The following EDIL3 variants were observed in gnomAD, a reference collection of about 807,000 sequenced individuals.
The protein encoded by EDIL3 is EGF like and discoidin domains 3.
In EDIL3, 37 loss-of-function variants were observed where a neutral mutation model predicts 67.4. The observed-to-expected ratio is 0.55, with a 90% CI of 0.42 to 0.72. The LOEUF (loss-of-function observed/expected upper bound fraction) is 0.72, where lower values mean the gene tolerates loss of function less well. Among genes scored for constraint, EDIL3 ranks in the 30% least tolerant of loss-of-function variants. EDIL3 has a pLI of 0.00. For synonymous variants in EDIL3, 195 were observed against 196.3 expected (o/e 0.99, Z 0.05); for missense variants, 527 against 586.3 (o/e 0.90, Z 1.04).
intron 1 of EDIL3, among the ~76,000 whole-genome samples, chr5:84,312,602 CG>C (rs1746428598): frequency 7.4e-6 from 1 of 135,606 alleles, no homozygotes; most frequent in African/African-American, 2.7e-5. Context: ...GCTGGCCGGG[CG>C]GGGGGCTGAC....
intron 1 of EDIL3, among the ~76,000 whole-genome samples, chr5:84,354,439 T>C (rs1747430160): frequency 6.6e-6 from 1 of 152,084 alleles, no homozygotes; most frequent in African/African-American, 2.4e-5. Flanking sequence ...AGCAGATCTC[T>C]TGAGGTCAGG....
In EDIL3 at chr5:84,119,461, G is replaced by C. The variant is rs536986482; in HGVS notation, c.470-12631C>G. ...ATTGTCAGATAAAAATCTCTGCCTG[G>C]GGGAAATATAAACTATGGCTTCTTG... On this transcript the variant is annotated intron_variant, in intron 5 of 10. Transcript: ENST00000296591. Among the ~76,000 whole-genome samples the C allele has an allele frequency of 3.9e-5, 6 of 151,932 alleles. No homozygotes were observed. The East Asian group carries it at 7.7e-4, about 20-fold the overall frequency.
intron 9 of EDIL3, among the ~76,000 whole-genome samples, chr5:84,034,980 T>C (rs564141365): frequency 6.6e-6 from 1 of 152,304 alleles, no homozygotes; most frequent in Admixed American, 6.5e-5. Context: ...TGATGATTTA[T>C]CTTAAATAAA....
chr5:84,355,535 C>G (rs1053715484), intron 1 of EDIL3, among the ~76,000 whole-genome samples: 2 of 152,118 alleles, frequency 1.3e-5, no homozygotes, highest in African/African-American at 4.8e-5. Context: ...TTTTACCAAT[C>G]AGGCCCCTCT....
At chr5:84,040,944 C>A (rs900630806) in intron 9 of EDIL3, among the ~76,000 whole-genome samples, 3 of 152,124 alleles carry the variant, frequency 2.0e-5, no homozygotes, top group Admixed American at 1.3e-4. Flanking sequence ...CCAGCCTGGG[C>A]AACATGGCAA....
chr5:84,028,543 T>C (rs1745858535), intron 9 of EDIL3, among the ~76,000 whole-genome samples: 1 of 152,098 alleles, frequency 6.6e-6, no homozygotes, highest in Non-Finnish European at 1.5e-5. Context: ...AAGACTATTC[T>C]GAAAATTAAG....
chr5:84,021,389 C>T (rs900118595), intron 9 of EDIL3, among the ~76,000 whole-genome samples: 1 of 151,768 alleles, frequency 6.6e-6, no homozygotes, highest in Non-Finnish European at 1.5e-5. Context: ...TTGCTTTTGC[C>T]GTATCTCACA....
At chr5:84,044,233 G>A (rs1746181717) in intron 9 of EDIL3, among the ~76,000 whole-genome samples, 1 of 152,058 alleles carries the variant, frequency 6.6e-6, no homozygotes, top group Admixed American at 6.6e-5. Context: ...AGCACTCCAT[G>A]AAAAATAAGT....
chr5:84,083,603 T>A (rs1004542113), intron 6 of EDIL3, among the ~76,000 whole-genome samples: 1 of 151,928 alleles, frequency 6.6e-6, no homozygotes, highest in African/African-American at 2.4e-5. Context: ...TGGGCATTTT[T>A]TTTTTTAACT....
chr5:84,155,194 T>A (rs1006106127), intron 4 of EDIL3, among the ~76,000 whole-genome samples: 22 of 152,166 alleles, frequency 1.4e-4, no homozygotes, highest in African/African-American at 5.3e-4. Flanking sequence ...ATAACATTAT[T>A]TTGAGCCTTA....
At chr5:84,299,842 A>G (rs1746122116) in intron 1 of EDIL3, among the ~76,000 whole-genome samples, 1 of 152,184 alleles carries the variant, frequency 6.6e-6, no homozygotes, top group African/African-American at 2.4e-5. Context: ...ATAAGTACCA[A>G]TATTTTTGTT....
At chr5:84,169,668 C>T (rs1027381966) in intron 4 of EDIL3, among the ~76,000 whole-genome samples, 42 of 147,554 alleles carry the variant, frequency 2.8e-4, no homozygotes, top group African/African-American at 1.0e-3. Flanking sequence ...TTTTTTTTTT[C>T]ACTCAGCTTA....
chr5:84,266,191 A>T (rs1379377628), intron 1 of EDIL3, among the ~76,000 whole-genome samples: 2 of 152,124 alleles, frequency 1.3e-5, no homozygotes, highest in East Asian at 3.9e-4. Context: ...ACATTCAAAA[A>T]CCCATTGCCT....
chr5:84,045,489 T>C (rs1746205460), intron 9 of EDIL3, among the ~76,000 whole-genome samples: 1 of 152,174 alleles, frequency 6.6e-6, no homozygotes, highest in African/African-American at 2.4e-5. Context: ...TTGGCTTTAA[T>C]ACTAAGGTCA....
intron 1 of EDIL3, among the ~76,000 whole-genome samples, chr5:84,283,513 C>T (rs1745744628): frequency 6.6e-6 from 1 of 152,064 alleles, no homozygotes; most frequent in African/African-American, 2.4e-5. Flanking sequence ...TAAATGAAAC[C>T]AGTCTACAGC....
chr5:84,005,575 C>T (rs1338150352), intron 9 of EDIL3, among the ~76,000 whole-genome samples: 5 of 151,978 alleles, frequency 3.3e-5, no homozygotes, highest in Non-Finnish European at 7.4e-5. Flanking sequence ...AAGTGAAAAC[C>T]ACATGATCAC....
chr5:84,319,494 C>CAAAAAAAAAAA (rs55738450), intron 1 of EDIL3, among the ~76,000 whole-genome samples: 79 of 42,808 alleles, frequency 1.8e-3, no homozygotes, highest in East Asian at 3.9e-3. Flanking sequence ...CAAAAAACAA[C>CAAAAAAAAAAA]AAAAAAAAAA....
At chr5:84,153,220 A>G (rs1193018192) in intron 4 of EDIL3, among the ~76,000 whole-genome samples, 1 of 152,160 alleles carries the variant, frequency 6.6e-6, no homozygotes, top group Non-Finnish European at 1.5e-5. Context: ...CTTGTTCATC[A>G]GTTTTAGCCA....
intron 1 of EDIL3, among the ~76,000 whole-genome samples, chr5:84,284,298 T>C (rs1745765208): frequency 6.6e-6 from 1 of 152,188 alleles, no homozygotes; most frequent in African/African-American, 2.4e-5. Context: ...CATTGTGAAG[T>C]GACCTTTCCA....
Sources: allele counts gnomAD v4.1 joint callset (sites outside exome capture counted in the v4.1 genomes callset), GRCh38; gene constraint gnomAD v4.1.1; transcripts MANE v1.5; gene names NCBI Gene and HGNC (gene_info 2026-07-23, HGNC 2026-07-21).